The following SPEF2 variants were observed in gnomAD, a reference collection of about 807,000 sequenced individuals.
SPEF2 encodes the protein sperm flagella and cilia-associated protein 2.
In SPEF2, 187 loss-of-function variants were observed where a neutral mutation model predicts 224.6. That is an observed-to-expected ratio of 0.83 (90% CI 0.74 to 0.94). The LOEUF (loss-of-function observed/expected upper bound fraction) is 0.94, where lower values mean the gene tolerates loss of function less well. Among genes scored for constraint, SPEF2 ranks in the 40% least tolerant of loss-of-function variants. The pLI is 0.00. For synonymous variants in SPEF2, 715 were observed against 707.3 expected, an observed-to-expected ratio of 1.01 and a Z score of -0.17; for missense variants, 2,170 against 2,135.6, an observed-to-expected ratio of 1.02 and a Z score of -0.32.
chr5:35,704,231 G>A (rs1479687375), intron 16 of SPEF2, among the ~76,000 whole-genome samples: 1 of 105,398 alleles, frequency 9.5e-6, no homozygotes, highest in Non-Finnish European at 2.1e-5. Context: ...ACATCACTGT[G>A]TTAATTTTTC....
intron 13 of SPEF2, 63 bp downstream of exon 13, chr5:35,694,426 T>C (rs1195897126): frequency 1.4e-6 from 2 of 1,395,098 alleles, no homozygotes; most frequent in East Asian, 2.4e-5. Context: ...AGAGCACATA[T>C]ATGTGAGCAC....
intron 16 of SPEF2, among the ~76,000 whole-genome samples, chr5:35,703,904 C>T (rs1739208241): frequency 6.6e-6 from 1 of 152,156 alleles, no homozygotes; most frequent in Non-Finnish European, 1.5e-5. Context: ...TGTTCTCTTG[C>T]ATTGAGTAAT....
chr5:35,654,482 T>G, intron 6 of SPEF2, 58 bp from the exon 7 acceptor site: 1 of 1,376,500 alleles, frequency 7.3e-7, no homozygotes, highest in Non-Finnish European at 9.7e-7. Context: ...TAGTCACAGA[T>G]AGTGGCATGG....
intron 23 of SPEF2, among the ~76,000 whole-genome samples, chr5:35,744,294 C>A (rs540630467): frequency 6.6e-6 from 1 of 152,154 alleles, no homozygotes; most frequent in African/African-American, 2.4e-5. Flanking sequence ...CTCTTAAATA[C>A]GTCTCTGATT....
chr5:35,806,842 A>C lies in SPEF2; in HGVS notation c.5146A>C (p.Asn1716His). The change falls in exon 35 of 37, where the codon AAT (asparagine) becomes CAT (histidine). Residue 1716 changes from asparagine to histidine, a missense_variant. Physicochemically the swap from Asn to His is moderately conservative, Grantham distance 68. Coordinates refer to ENST00000356031, the MANE Select transcript of SPEF2 (RefSeq NM_024867.4). ...KDEEIPENAN[N>H]EKMSMETLLK... ...TGAAGAAATCCCTGAAAATGCAAAC[A>C]ATGAAAAGATGTCCATGGAAACACT... is the stretch of plus-strand genomic sequence containing the variant. 6.2e-7 allele frequency: 1 copy of C among 1,614,084 alleles called. No individual in the cohort carries two copies. The highest frequency in any genetic ancestry group is 8.5e-7 in the Non-Finnish European group (1 of 1,179,994).
At chr5:35,767,673 G>A (rs181290068) in intron 26 of SPEF2, among the ~76,000 whole-genome samples, 319 of 152,202 alleles carry the variant, frequency 2.1e-3, no homozygotes, top group African/African-American at 7.5e-3. Flanking sequence ...AGAGAAGATA[G>A]TAGATTTATA....
chr5:35,643,983 A>G (rs1209370987), intron 3 of SPEF2, among the ~76,000 whole-genome samples: 3 of 152,132 alleles, frequency 2.0e-5, no homozygotes, highest in Non-Finnish European at 4.4e-5. Flanking sequence ...AATGGGAAGA[A>G]TCTAGCTTCT....
At chr5:35,627,468 G>A (rs1170764549) in intron 1 of SPEF2, among the ~76,000 whole-genome samples, 1 of 151,866 alleles carries the variant, frequency 6.6e-6, no homozygotes, top group Admixed American at 6.6e-5. Flanking sequence ...GGGTGTGGTG[G>A]CACACACCTG....
intron 25 of SPEF2, among the ~76,000 whole-genome samples, chr5:35,761,124 T>A (rs56276485): frequency 0.04 from 6,110 of 152,276 alleles, 370 homozygotes; most frequent in African/African-American, 0.12. Flanking sequence ...AGAAGTTTGC[T>A]CAGTCAATGC....
rs749845266 is a variant in SPEF2 at position 35,659,198 on chromosome 5, T to C, written c.1158T>C (p.Asp386=). 2 of 1,607,838 alleles carry C rather than the reference T, an allele frequency of 1.2e-6. No homozygotes were observed. Among genetic ancestry groups the C allele is most frequent in the African/African-American group, 2.7e-5 (2 of 74,664 alleles). ...RRLKDFQDAL[D]REAALAKQAK... ...TTAAAGATTTCCAGGATGCTCTTGATCGAGAAGCGGTAAATACCATCTTCC... is the reference window on the plus strand; with the variant it reads ...TTAAAGATTTCCAGGATGCTCTTGACCGAGAAGCGGTAAATACCATCTTCC... Residue 386 remains aspartate, a synonymous_variant, in exon 8 of 37, where the codon GAT becomes GAC. Coordinates refer to ENST00000356031, the MANE Select transcript of SPEF2 (RefSeq NM_024867.4).
chr5:35,724,317 T>A (rs7734377), intron 20 of SPEF2, among the ~76,000 whole-genome samples: 5,976 of 152,270 alleles, frequency 0.039, 195 homozygotes, highest in African/African-American at 0.075. Context: ...ATAAATTAAA[T>A]AAATAATATT....
chr5:35,687,644 C>T (rs1196676044), intron 10 of SPEF2, among the ~76,000 whole-genome samples: 3 of 152,034 alleles, frequency 2.0e-5, no homozygotes, highest in Admixed American at 1.3e-4. Context: ...CGTGAGCCAC[C>T]GCACCAGGCC....
chr5:35,788,239 A>C (rs1017944537), intron 30 of SPEF2: 1 of 702,874 alleles, frequency 1.4e-6, no homozygotes, highest in African/African-American at 1.7e-5. Context: ...CCCTCGGGAG[A>C]GTAGAGAACT....
chr5:35,773,647 AT>A (rs1032918783), intron 27 of SPEF2, among the ~76,000 whole-genome samples: 5 of 152,090 alleles, frequency 3.3e-5, no homozygotes, highest in African/African-American at 1.2e-4. Context: ...TACATACCTT[AT>A]TTTTTAATTA....
chr5:35,739,960 A>C lies in SPEF2; in HGVS notation c.3105A>C (p.Glu1035Asp). Residue 1035 changes from glutamate to aspartate, a missense_variant, in exon 22 of 37, where the codon GAA becomes GAC. By Grantham distance (45) the Glu-to-Asp change is conservative. Coordinates refer to ENST00000356031, the MANE Select transcript of SPEF2 (RefSeq NM_024867.4). ...TAGTACCTTACTGGGAACTAATAGA[A>C]AATTCCTATATAAACACCATCAAAA... ...LFLVPYWELIENSYINTIKTV... is the reference protein window; with the variant it reads ...LFLVPYWELIDNSYINTIKTV... 6.2e-7 allele frequency: 1 copy of C among 1,614,140 alleles called. No individual in the cohort carries two copies. The highest frequency in any genetic ancestry group is 8.5e-7 in the Non-Finnish European group (1 of 1,180,004).
At chr5:35,723,594 A>G (rs1164443556) in intron 20 of SPEF2, among the ~76,000 whole-genome samples, 1 of 152,234 alleles carries the variant, frequency 6.6e-6, no homozygotes, top group African/African-American at 2.4e-5. Context: ...AAGTTAAATT[A>G]CAATAAAAAA....
intron 34 of SPEF2, among the ~76,000 whole-genome samples, chr5:35,806,077 A>G (rs1269426672): frequency 1.3e-5 from 2 of 152,186 alleles, no homozygotes; most frequent in Non-Finnish European, 2.9e-5. Flanking sequence ...CAATGATAGG[A>G]TACATAAGAA....
chr5:35,750,503 A>G (rs932754606), intron 23 of SPEF2, among the ~76,000 whole-genome samples: 3 of 152,176 alleles, frequency 2.0e-5, no homozygotes, highest in African/African-American at 7.2e-5. Flanking sequence ...ATCAGTAAGA[A>G]AAAAAGAATC....
At chr5:35,692,226 C>G (rs994389011) in intron 11 of SPEF2, among the ~76,000 whole-genome samples, 1 of 152,032 alleles carries the variant, frequency 6.6e-6, no homozygotes, top group Non-Finnish European at 1.5e-5. Context: ...GCCTGTCCAA[C>G]ATGGTGAAAC....
Sources: allele counts gnomAD v4.1 joint callset (sites outside exome capture counted in the v4.1 genomes callset), GRCh38; gene constraint gnomAD v4.1.1; transcripts MANE v1.5; gene names NCBI Gene and HGNC (gene_info 2026-07-23, HGNC 2026-07-21).